Variants in SPATA9 observed in about 807,000 individuals in gnomAD.
The protein encoded by SPATA9 is spermatogenesis-associated protein 9.
Under a neutral mutation model 25.5 loss-of-function variants are expected in SPATA9, and 27 were observed. That is an observed-to-expected ratio of 1.06 (90% confidence interval 0.78 to 1.46). SPATA9 has a LOEUF of 1.46. SPATA9 is among the 40% of genes most tolerant of loss of function. The pLI is 0.00. For missense variants in SPATA9, 282 were observed against 297.5 expected, an observed-to-expected ratio of 0.95 and a Z score of 0.38; for synonymous variants, 102 against 105.7, an observed-to-expected ratio of 0.97 and a Z score of 0.21.
At position 95,653,079 on chromosome 5, in the gene SPATA9, T is replaced by C. The variant is rs753497738; in HGVS notation, c.*578A>G. ...TTCTGGAACACATTCACCAAGACTT[T>C]TCTTTCCTTCAGGCTTTTGTATTTG... On this transcript the variant is annotated 3_prime_UTR_variant and NMD_transcript_variant, in exon 9 of 9. Transcript: ENST00000316087. 12 of 1,549,778 alleles carry C rather than the reference T, an allele frequency of 7.7e-6. No homozygotes were observed. In the South Asian group the frequency reaches 1.4e-4, roughly 19 times the overall value.
intron 3 of SPATA9, among the ~76,000 whole-genome samples, chr5:95,668,164 C>T (rs1752001842): frequency 6.6e-6 from 1 of 152,134 alleles, no homozygotes; most frequent in South Asian, 2.1e-4. Flanking sequence ...TGAGAAATTA[C>T]TCTTTCTGTT....
the SPATA9 span, among the ~76,000 whole-genome samples, chr5:95,713,221 G>C: frequency 6.6e-6 from 1 of 151,912 alleles, no homozygotes; most frequent in African/African-American, 2.4e-5. Context: ...AGTCCATCAA[G>C]CTATGAAGTC....
chr5:95,677,974 T>C (rs541836800), intron 2 of SPATA9, among the ~76,000 whole-genome samples: 64 of 152,346 alleles, frequency 4.2e-4, no homozygotes, highest in Non-Finnish European at 8.1e-4. Context: ...CTTTAAAAAT[T>C]ACTCTTTACT....
At chr5:95,702,190 TA>T (rs1311696584), upstream of SPATA9, among the ~76,000 whole-genome samples, 5 of 143,880 alleles carry the variant, frequency 3.5e-5, no homozygotes, top group East Asian at 2.1e-4. Context: ...GCCCAGGTGT[TA>T]AAAAAAAATT....
the SPATA9 span, among the ~76,000 whole-genome samples, chr5:95,714,241 A>T: frequency 6.6e-6 from 1 of 152,168 alleles, no homozygotes; most frequent in Non-Finnish European, 1.5e-5. Context: ...CAAGAGAGTA[A>T]TATGGGATCT....
intron 3 of SPATA9, among the ~76,000 whole-genome samples, chr5:95,673,560 A>G (rs1752619261): frequency 2.6e-5 from 4 of 152,182 alleles, no homozygotes; most frequent in Admixed American, 2.6e-4. Flanking sequence ...TATTAAATAC[A>G]GAAGTATTCT....
chr5:95,729,651 ACTATAC>A, the SPATA9 span, among the ~76,000 whole-genome samples: 6 of 152,254 alleles, frequency 3.9e-5, no homozygotes, highest in South Asian at 2.1e-4. Context: ...AACCTGAAAC[ACTATAC>A]CTGTTGAACA....
At chr5:95,731,330 A>G in the SPATA9 span, 1 of 1,090,150 alleles carries the variant, frequency 9.2e-7, no homozygotes, top group Non-Finnish European at 1.1e-6. Flanking sequence ...GAGCAGCGGC[A>G]GCGGCAGCAG....
Position 95,658,686 on chromosome 5 carries a change from A to C in SPATA9, c.702T>G (p.Ser234Arg), listed in dbSNP as rs1439380475. Residue 234 changes from serine (S) to arginine (R), a missense_variant, in exon 5 of 5, where the codon AGT becomes AGG. By Grantham distance (110) the Ser-to-Arg change is moderately radical (BLOSUM62 -1). Coordinates refer to ENST00000274432, the MANE Select transcript of SPATA9 (RefSeq NM_031952.4). ...DYPKLLANKQSNNIQVLHSVF... is the reference protein window; with the variant it reads ...DYPKLLANKQRNNIQVLHSVF... The stretch of plus-strand genomic sequence containing the variant: ...CAGAATGTAAAACTTGGATGTTATT[A>C]CTCTGCTTATTAGCAAGAAGCTTGG... 6.2e-7 allele frequency: 1 copy of C among 1,613,542 alleles called. No homozygotes were observed. The highest frequency in any genetic ancestry group is 2.2e-5 in the East Asian group (1 of 44,866).
At chr5:95,680,536 T>C (rs182396056) in intron 2 of SPATA9, among the ~76,000 whole-genome samples, 84 of 152,344 alleles carry the variant, frequency 5.5e-4, no homozygotes, top group Non-Finnish European at 1.1e-3. Flanking sequence ...CTTCATTCTC[T>C]TCTTTTCTCT....
chr5:95,670,661 A>G (rs1380436884), intron 3 of SPATA9, among the ~76,000 whole-genome samples: 1 of 152,168 alleles, frequency 6.6e-6, no homozygotes, highest in East Asian at 1.9e-4. Context: ...CAGTTTGACA[A>G]TTCTTAAAGG....
intron 3 of SPATA9, among the ~76,000 whole-genome samples, chr5:95,665,106 G>A (rs760807523): frequency 1.4e-4 from 22 of 152,068 alleles, no homozygotes; most frequent in Non-Finnish European, 2.6e-4. Context: ...CATATTTAAG[G>A]AGTACAATTT....
At chr5:95,710,945 G>A in the SPATA9 span, among the ~76,000 whole-genome samples, 1 of 151,830 alleles carries the variant, frequency 6.6e-6, no homozygotes, top group Non-Finnish European at 1.5e-5. Flanking sequence ...TAATATCTGG[G>A]GCTGCCTGAG....
chr5:95,663,019 A>G (rs926194844), intron 4 of SPATA9, among the ~76,000 whole-genome samples: 6 of 152,238 alleles, frequency 3.9e-5, no homozygotes, highest in Non-Finnish European at 8.8e-5. Flanking sequence ...TCTACTAGGT[A>G]TCAGCACATG....
chr5:95,682,215 A>C (rs1473295693), intron 2 of SPATA9, among the ~76,000 whole-genome samples: 1 of 152,142 alleles, frequency 6.6e-6, no homozygotes, highest in Non-Finnish European at 1.5e-5. Flanking sequence ...TTTTTGCTAA[A>C]GTGTATCTAG....
chr5:95,709,077 G>A, the SPATA9 span, among the ~76,000 whole-genome samples: 53 of 151,986 alleles, frequency 3.5e-4, no homozygotes, highest in Non-Finnish European at 6.8e-4. Context: ...CGTTGGCATC[G>A]TGAGGATGAC....
the SPATA9 span, among the ~76,000 whole-genome samples, chr5:95,708,240 GT>G: frequency 0.23 from 34,555 of 151,930 alleles, 4,169 homozygotes; most frequent in East Asian, 0.5. Flanking sequence ...TTGTCAGGGG[GT>G]TTCTGGAACA....
the SPATA9 span, chr5:95,731,005 G>C: frequency 1.5e-6 from 1 of 679,326 alleles, no homozygotes; most frequent in Non-Finnish European, 2.2e-6. Flanking sequence ...TCCGGAGTGA[G>C]CGGGGGCCCC....
the SPATA9 span, among the ~76,000 whole-genome samples, chr5:95,711,977 C>T: frequency 6.6e-6 from 1 of 152,162 alleles, no homozygotes; most frequent in African/African-American, 2.4e-5. Context: ...GTGTCCGGAG[C>T]TTGCCTTTCT....
Sources: gnomAD v4.1 joint callset for allele counts (sites outside exome capture counted in the v4.1 genomes callset) on GRCh38, gnomAD v4.1.1 for gene constraint, MANE v1.5 for transcripts, NCBI Gene and HGNC (gene_info 2026-07-23, HGNC 2026-07-21) for gene names.